The following BASP1 variants were observed in gnomAD, a reference collection of about 807,000 sequenced individuals.
The protein encoded by BASP1 is brain acid soluble protein 1.
BASP1 carries 1 observed loss-of-function variant against 2.2 expected under a neutral mutation model. That is an observed-to-expected ratio of 0.46 (90% confidence interval 0.16 to 2.17). BASP1 has a LOEUF of 2.17. Ranked by LOEUF, BASP1 falls within the 30% of genes most tolerant of loss-of-function variation. The probability of loss-of-function intolerance (pLI) is 0.27; values close to 1 mark genes in which losing one functional copy is unlikely to be tolerated. For synonymous variants in BASP1, 187 were observed against 154.2 expected (o/e 1.21, Z -1.58); for missense variants, 352 against 327.2 (o/e 1.08, Z -0.58).
At position 17,260,385 on chromosome 5, in the gene BASP1, C is replaced by G. The variant is rs995669395; in HGVS notation, c.-9-14823C>G. Reference sequence around the variant, plus strand: ...ATCTTGTAGAATCAATTGGGAGATTCACCTTTAAAAATTGGTCTCTACAAT... The same window carrying G: ...ATCTTGTAGAATCAATTGGGAGATTGACCTTTAAAAATTGGTCTCTACAAT... On this transcript the variant is annotated intron_variant, in intron 1 of 1. Coordinates refer to ENST00000322611, the MANE Select transcript of BASP1 (RefSeq NM_006317.5). The surrounding 1 kb of genome is among the most constrained non-coding windows in gnomAD (Gnocchi z 4.2). Among the ~76,000 whole-genome samples the G allele has an allele frequency of 6.6e-6, 1 of 152,004 alleles. No homozygotes were observed. Among genetic ancestry groups the G allele is most frequent in the African/African-American group, 2.4e-5 (1 of 41,352 alleles).
intron 1 of BASP1, among the ~76,000 whole-genome samples, chr5:17,229,142 G>T (rs1739572981): frequency 6.6e-6 from 1 of 152,210 alleles, no homozygotes; most frequent in Non-Finnish European, 1.5e-5. Context: ...AATGTTTGAG[G>T]ACACTAACGT....
chr5:17,218,430 C>CA (rs1361898215), intron 1 of BASP1, among the ~76,000 whole-genome samples: 1 of 152,198 alleles, frequency 6.6e-6, no homozygotes, highest in Admixed American at 6.5e-5. Flanking sequence ...ACGAGGTTCA[C>CA]ACGGCGACGT....
intron 1 of BASP1, among the ~76,000 whole-genome samples, chr5:17,242,796 A>G (rs1416957194): frequency 6.6e-6 from 1 of 151,924 alleles, no homozygotes; most frequent in Non-Finnish European, 1.5e-5. Context: ...TCTGCGTGCT[A>G]ATGTCCTTGA....
At chr5:17,267,817 C>CTTTTTTTTTTTTTTTTT (rs748938177) in intron 1 of BASP1, among the ~76,000 whole-genome samples, 1 of 33,432 alleles carries the variant, frequency 3.0e-5, no homozygotes, top group African/African-American at 1.5e-4. Flanking sequence ...GCTCCCAGCC[C>CTTTTTTTTTTTTTTTTT]TTTTTTTTTT....
At chr5:17,234,601 G>A (rs1465646098) in intron 1 of BASP1, among the ~76,000 whole-genome samples, 2 of 152,186 alleles carry the variant, frequency 1.3e-5, no homozygotes, top group Admixed American at 6.5e-5. Flanking sequence ...TGAATGTGAC[G>A]TGGGAACATA....
chr5:17,275,494 C>G lies in BASP1; in HGVS notation c.278C>G (p.Ala93Gly). The G allele has an allele frequency of 4.1e-6, 6 of 1,478,266 alleles. No homozygotes were observed. Among genetic ancestry groups the G allele is most frequent in the Non-Finnish European group, 5.4e-6 (6 of 1,117,788 alleles). The allele number at this position is 1,478,266 out of a possible 1,614,324, so 91.6% of individuals were successfully genotyped here. A position where few individuals can be genotyped will look rare whatever the true frequency, so the allele number is the denominator to read the frequency against. ...PKAEPEKTEGAAEAKAEPPKA... is the reference protein window; with the variant it reads ...PKAEPEKTEGGAEAKAEPPKA... ...GCGGAGCCCGAGAAGACGGAGGGCG[C>G]GGCAGAGGCCAAGGCTGAGCCCCCG... Residue 93 changes from alanine (A) to glycine (G), a missense_variant, in exon 2 of 2, where the codon GCG becomes GGG. Physicochemically the swap from Ala to Gly is moderately conservative, Grantham distance 60. Transcript: ENST00000322611. This position sits in a 1 kb window ranked among gnomAD's most constrained non-coding sequence, Gnocchi z 5.3.
chr5:17,250,500 C>A (rs1740080479), intron 1 of BASP1, among the ~76,000 whole-genome samples: 1 of 152,122 alleles, frequency 6.6e-6, no homozygotes, highest in African/African-American at 2.4e-5. Flanking sequence ...ATTCTATACT[C>A]CAAATACTGG....
chr5:17,276,828 A>C lies in BASP1; in HGVS notation c.*928A>C, dbSNP rs113954776. The C allele has an allele frequency of 6.0e-6, 1 of 167,062 alleles. No individual in the cohort carries two copies. The highest frequency in any genetic ancestry group is 1.9e-4 in the East Asian group (1 of 5,204). 10.3% of individuals were successfully genotyped at this position (167,062 alleles called of 1,614,324 possible). ...CAACAGTAATAAAGTTAAACAATTA[A>C]AAAGAAGTAATAAAGACTATTGGGT... On this transcript the variant is annotated 3_prime_UTR_variant, in exon 2 of 2. Coordinates refer to ENST00000322611, the MANE Select transcript of BASP1 (RefSeq NM_006317.5).
chr5:17,269,364 C>T (rs571495242), intron 1 of BASP1, among the ~76,000 whole-genome samples: 15 of 152,292 alleles, frequency 9.8e-5, no homozygotes, highest in African/African-American at 3.6e-4. Context: ...ATGTATTCCA[C>T]GGATGCAAAC....
intron 1 of BASP1, among the ~76,000 whole-genome samples, chr5:17,218,605 C>T (rs577990212): frequency 4.8e-4 from 73 of 152,144 alleles, no homozygotes; most frequent in African/African-American, 1.4e-3. Flanking sequence ...CCGGCCCGGG[C>T]CCGGGGGGTG....
chr5:17,263,089 C>T (rs530720586), intron 1 of BASP1, among the ~76,000 whole-genome samples: 44 of 152,214 alleles, frequency 2.9e-4, no homozygotes, highest in South Asian at 4.2e-4. Context: ...CCTCATGATC[C>T]GCCCGCCTTG....
chr5:17,243,649 T>C (rs187394899), intron 1 of BASP1, among the ~76,000 whole-genome samples: 1 of 152,284 alleles, frequency 6.6e-6, no homozygotes, highest in Admixed American at 6.5e-5. Context: ...CAACACATGG[T>C]CATTATTTTA....
intron 1 of BASP1, among the ~76,000 whole-genome samples, chr5:17,233,530 G>A (rs2126494520): frequency 6.6e-6 from 1 of 152,212 alleles, no homozygotes; most frequent in Non-Finnish European, 1.5e-5. Flanking sequence ...AGGGCAGTTT[G>A]CAATTAATTT....
Position 17,276,014 on chromosome 5 carries a change from CCT to C in BASP1, c.*126_*127del, listed in dbSNP as rs541579871. ...TCTCTCTCTCTCCTCTCCTATCTCT[CCT>C]CTCTCTCTCTCCTATACTAACTTGT... On this transcript the variant is annotated 3_prime_UTR_variant, in exon 2 of 2. Transcript: ENST00000322611. The C allele has an allele frequency of 5.9e-4, 526 of 884,194 alleles. No homozygotes were observed. Among genetic ancestry groups the C allele is most frequent in the South Asian group, 1.2e-3 (49 of 40,132 alleles). 54.8% of individuals were successfully genotyped at this position (884,194 alleles called of 1,614,324 possible). A position where few individuals can be genotyped will look rare whatever the true frequency, so the allele number is the denominator to read the frequency against.
At chr5:17,244,692 GT>G (rs1422690452) in intron 1 of BASP1, among the ~76,000 whole-genome samples, 1 of 150,050 alleles carries the variant, frequency 6.7e-6, no homozygotes, top group Admixed American at 6.6e-5. Flanking sequence ...TATAATTGTA[GT>G]GTTTTTTTTT....
chr5:17,235,267 T>TC, intron 1 of BASP1, among the ~76,000 whole-genome samples: 1 of 150,540 alleles, frequency 6.6e-6, no homozygotes, highest in South Asian at 2.1e-4. Context: ...TGTTTTTCTT[T>TC]TTTTTTTTTT....
At chr5:17,272,446 A>G (rs1248702611) in intron 1 of BASP1, among the ~76,000 whole-genome samples, 1 of 152,084 alleles carries the variant, frequency 6.6e-6, no homozygotes, top group Non-Finnish European at 1.5e-5. Context: ...TATGGGTAAA[A>G]GGAGAATGTG....
chr5:17,248,641 A>C lies in BASP1; in HGVS notation c.-9-26567A>C, dbSNP rs574696890. Among the ~76,000 whole-genome samples, 3 of 152,320 alleles carry C rather than the reference A, an allele frequency of 2.0e-5. No individual in the cohort carries two copies. In the South Asian group the frequency reaches 6.2e-4, roughly 32 times the overall value. ...AGGGTTAATAAAACCAAGCTCAGGC[A>C]CTTCGGTATTCTTTTAAACTCTGAA... is the stretch of plus-strand genomic sequence containing the variant. On this transcript the variant is annotated intron_variant, in intron 1 of 1. Transcript: ENST00000322611.
intron 1 of BASP1, among the ~76,000 whole-genome samples, chr5:17,228,338 T>C (rs965964990): frequency 3.9e-5 from 6 of 152,220 alleles, no homozygotes; most frequent in African/African-American, 1.4e-4. Flanking sequence ...GAGAGGTAAC[T>C]ATCCAATGGA....
Sources: gnomAD v4.1 joint callset for allele counts (sites outside exome capture counted in the v4.1 genomes callset) on GRCh38, gnomAD v4.1.1 for gene constraint, Gnocchi (gnomAD v3.1) non-coding constraint, MANE v1.5 for transcripts, NCBI Gene and HGNC (gene_info 2026-07-23, HGNC 2026-07-21) for gene names.